Variants in SH3RF3 observed in about 807,000 individuals in gnomAD.
SH3RF3 encodes SH3 domain containing ring finger 3.
In SH3RF3, 29 loss-of-function variants were observed where a neutral mutation model predicts 66.3. The observed-to-expected ratio is 0.44, with a 90% CI of 0.33 to 0.60. SH3RF3 has a LOEUF of 0.60. Ranked by LOEUF, SH3RF3 falls within the 20% of genes least tolerant of loss-of-function variation. SH3RF3 has a pLI of 0.04. For synonymous variants in SH3RF3, 583 were observed against 532.0 expected, an observed-to-expected ratio of 1.10 and a Z score of -1.32; for missense variants, 1,194 against 1,190.9, an observed-to-expected ratio of 1.00 and a Z score of -0.04.
intron 4 of SH3RF3, among the ~76,000 whole-genome samples, chr2:109,400,261 A>G (rs1676270323): frequency 6.6e-6 from 1 of 151,378 alleles, no homozygotes; most frequent in African/African-American, 2.4e-5. Context: ...ACTTGAGCAC[A>G]TGCCCGCCCG....
At chr2:109,438,273 G>A (rs1023964427) in intron 7 of SH3RF3, among the ~76,000 whole-genome samples, 1 of 152,108 alleles carries the variant, frequency 6.6e-6, no homozygotes, top group Non-Finnish European at 1.5e-5. Flanking sequence ...CAGGTATCCA[G>A]TGCCCAGCAT....
intron 1 of SH3RF3, among the ~76,000 whole-genome samples, chr2:109,228,208 G>A (rs1390447022): frequency 1.3e-5 from 2 of 152,096 alleles, no homozygotes; most frequent in African/African-American, 2.4e-5. Context: ...AATTCAATCG[G>A]CAGCCCTCCT....
chr2:109,443,370 C>G, intron 7 of SH3RF3, among the ~76,000 whole-genome samples: 1 of 152,168 alleles, frequency 6.6e-6, no homozygotes, highest in Admixed American at 6.5e-5. Flanking sequence ...CCTGTCATCT[C>G]TGTGTGACGC....
At chr2:109,225,439 A>G in intron 1 of SH3RF3, among the ~76,000 whole-genome samples, 1 of 152,110 alleles carries the variant, frequency 6.6e-6, no homozygotes, top group East Asian at 1.9e-4. Flanking sequence ...TTCTCACACA[A>G]ACAACTCCCT....
chr2:109,155,808 G>A (rs1677334199), intron 1 of SH3RF3, among the ~76,000 whole-genome samples: 1 of 152,222 alleles, frequency 6.6e-6, no homozygotes, highest in Middle Eastern at 3.2e-3. Flanking sequence ...ACGTAGAATG[G>A]AAGATGTTCC....
chr2:109,425,208 G>A (rs932477388), intron 5 of SH3RF3, among the ~76,000 whole-genome samples: 2 of 152,338 alleles, frequency 1.3e-5, no homozygotes, highest in East Asian at 3.9e-4. Context: ...GAAGCTAAAG[G>A]AGGAAAGTTT....
chr2:109,159,143 T>TA (rs35677911), intron 1 of SH3RF3, among the ~76,000 whole-genome samples: 74,210 of 152,032 alleles, frequency 0.49, 19,026 homozygotes, highest in South Asian at 0.6. Flanking sequence ...AAGGTGCCCT[T>TA]ACACAGTGTT....
At chr2:109,173,067 T>C (rs1677825009) in intron 1 of SH3RF3, among the ~76,000 whole-genome samples, 1 of 152,250 alleles carries the variant, frequency 6.6e-6, no homozygotes, top group African/African-American at 2.4e-5. Flanking sequence ...AAAATTTTAC[T>C]TTCTTCTTCA....
Position 109,398,597 on chromosome 2 carries a change from A to T in SH3RF3, c.953A>T (p.Asp318Val). ...IFPLLYVELN[D>V]SAKQLIEMDK... ...CTCCCCTTTCTCACTCAGCTCAATG[A>T]CTCCGCCAAGCAGCTCATTGAGATG... Residue 318 changes from aspartate to valine, a missense_variant, in exon 4 of 10, where the codon GAC becomes GTC. Physicochemically the swap from Asp to Val is radical, Grantham distance 152 (BLOSUM62 -3). Coordinates refer to ENST00000309415, the MANE Select transcript of SH3RF3 (RefSeq NM_001099289.3). 1 of 1,562,680 alleles carries T rather than the reference A, an allele frequency of 6.4e-7. No homozygotes were observed. Among genetic ancestry groups the T allele is most frequent in the South Asian group, 1.2e-5 (1 of 85,166 alleles).
intron 1 of SH3RF3, among the ~76,000 whole-genome samples, chr2:109,312,304 G>A (rs1002473758): frequency 6.6e-6 from 1 of 152,150 alleles, no homozygotes; most frequent in African/African-American, 2.4e-5. Flanking sequence ...CTTCCCACTC[G>A]AGGTTGGCTT....
intron 1 of SH3RF3, among the ~76,000 whole-genome samples, chr2:109,218,429 A>G (rs1022008235): frequency 2.6e-5 from 4 of 152,296 alleles, no homozygotes; most frequent in Non-Finnish European, 4.4e-5. Flanking sequence ...GTTATGCTTA[A>G]CAAAACGAGC....
intron 8 of SH3RF3, among the ~76,000 whole-genome samples, chr2:109,475,278 C>T (rs1573283047): frequency 6.6e-6 from 1 of 152,202 alleles, no homozygotes; most frequent in African/African-American, 2.4e-5. Context: ...CGCCCGGCTT[C>T]AGTATTATCT....
chr2:109,491,755 G>A (rs1558644190), intron 9 of SH3RF3, among the ~76,000 whole-genome samples: 1 of 152,174 alleles, frequency 6.6e-6, no homozygotes, highest in Non-Finnish European at 1.5e-5. Flanking sequence ...CTTACTGAGT[G>A]CCTACACATT....
At chr2:109,447,494 T>A (rs536326434) in intron 7 of SH3RF3, among the ~76,000 whole-genome samples, 1 of 152,208 alleles carries the variant, frequency 6.6e-6, no homozygotes, top group Non-Finnish European at 1.5e-5. Flanking sequence ...AGTCTGCTGG[T>A]AGAAAATGAT....
At chr2:109,222,420 T>A (rs562109182) in intron 1 of SH3RF3, among the ~76,000 whole-genome samples, 6 of 152,350 alleles carry the variant, frequency 3.9e-5, no homozygotes, top group African/African-American at 1.4e-4. Context: ...TCATTACACA[T>A]TGTATGTATC....
chr2:109,252,819 C>T (rs1351603115), intron 1 of SH3RF3, among the ~76,000 whole-genome samples: 1 of 152,138 alleles, frequency 6.6e-6, no homozygotes, highest in African/African-American at 2.4e-5. Context: ...TTACCTAATA[C>T]TGTCTTGAAA....
intron 8 of SH3RF3, among the ~76,000 whole-genome samples, chr2:109,479,732 C>A (rs572867796): frequency 2.1e-4 from 32 of 152,252 alleles, no homozygotes; most frequent in Admixed American, 2.0e-3. Context: ...AGGGAATGAA[C>A]CCCCTTGTGA....
chr2:109,258,973 A>G (rs1680287582), intron 1 of SH3RF3, among the ~76,000 whole-genome samples: 2 of 152,148 alleles, frequency 1.3e-5, no homozygotes, highest in South Asian at 2.1e-4. Flanking sequence ...GGGCATCCGC[A>G]TGCCCTCTCT....
chr2:109,410,733 TA>T (rs1676566498), intron 4 of SH3RF3, among the ~76,000 whole-genome samples: 1 of 152,238 alleles, frequency 6.6e-6, no homozygotes, highest in Non-Finnish European at 1.5e-5. Flanking sequence ...TGGAGCCTTT[TA>T]AAAAGACCGT....
Sources: gnomAD v4.1 joint callset for allele counts (sites outside exome capture counted in the v4.1 genomes callset) on GRCh38, gnomAD v4.1.1 for gene constraint, MANE v1.5 for transcripts, NCBI Gene and HGNC (gene_info 2026-07-23, HGNC 2026-07-21) for gene names.